Variants in LCORL observed in about 807,000 individuals in gnomAD.
The protein encoded by LCORL is ligand-dependent nuclear receptor corepressor-like protein.
In LCORL, 41 loss-of-function variants were observed where a neutral mutation model predicts 141.8. The observed-to-expected ratio is 0.29, with a 90% CI of 0.23 to 0.38. The LOEUF (loss-of-function observed/expected upper bound fraction) is 0.38. Among genes scored for constraint, LCORL ranks in the 10% least tolerant of loss-of-function variants. LCORL has a pLI of 1.00. For synonymous variants in LCORL, 618 were observed against 694.1 expected, an observed-to-expected ratio of 0.89 and a Z score of 1.72; for missense variants, 1,759 against 2,035.0, an observed-to-expected ratio of 0.86 and a Z score of 2.61.
intron 7 of LCORL, among the ~76,000 whole-genome samples, chr4:17,865,630 T>C (rs1725550896): frequency 1.3e-5 from 2 of 152,250 alleles, no homozygotes; most frequent in South Asian, 4.1e-4. Flanking sequence ...GGGAAACTTA[T>C]AACATTATGT....
intron 4 of LCORL, among the ~76,000 whole-genome samples, chr4:17,919,899 GCTT>G (rs1734026400): frequency 1.3e-5 from 2 of 152,178 alleles, no homozygotes; most frequent in Non-Finnish European, 2.9e-5. Context: ...ATGTCATGAA[GCTT>G]CCATAAAAAC....
chr4:18,006,497 AT>A (rs1458024841), intron 1 of LCORL, among the ~76,000 whole-genome samples: 3 of 152,042 alleles, frequency 2.0e-5, no homozygotes, highest in Non-Finnish European at 4.4e-5. Context: ...GTATTAGTCC[AT>A]TTTCACACTG....
At chr4:17,936,370 A>G (rs1230366893) in intron 4 of LCORL, among the ~76,000 whole-genome samples, 2 of 151,492 alleles carry the variant, frequency 1.3e-5, no homozygotes, top group Non-Finnish European at 2.9e-5. Context: ...GAAAAAAAAA[A>G]AAAAAAAGAA....
intron 5 of LCORL, among the ~76,000 whole-genome samples, chr4:17,907,350 TC>T (rs1440654263): frequency 6.6e-6 from 1 of 152,196 alleles, no homozygotes; most frequent in Non-Finnish European, 1.5e-5. Context: ...TTCCAATGGG[TC>T]CATTATTATT....
intron 4 of LCORL, among the ~76,000 whole-genome samples, chr4:17,923,904 T>C (rs540921390): frequency 2.6e-5 from 4 of 152,004 alleles, no homozygotes; most frequent in African/African-American, 4.8e-5. Context: ...TTCCCAATCA[T>C]GATTCTTCCA....
At chr4:17,892,987 C>T (rs1043822921) in intron 5 of LCORL, among the ~76,000 whole-genome samples, 1 of 152,168 alleles carries the variant, frequency 6.6e-6, no homozygotes, top group African/African-American at 2.4e-5. Flanking sequence ...TTTAACCATG[C>T]ATTTGAGACT....
intron 1 of LCORL, among the ~76,000 whole-genome samples, chr4:18,007,145 A>T (rs187112908): frequency 6.6e-6 from 1 of 152,244 alleles, no homozygotes; most frequent in East Asian, 1.9e-4. Flanking sequence ...ATAAAACCAC[A>T]AATTAAACTA....
chr4:17,875,069 C>T, exon 7 of LCORL: 1 of 1,233,536 alleles, frequency 8.1e-7, no homozygotes, highest in Non-Finnish European at 1.0e-6. Context: ...CTTCAGTGTG[C>T]CTTATTTTAT....
intron 4 of LCORL, among the ~76,000 whole-genome samples, chr4:17,927,808 A>G (rs1240007249): frequency 6.6e-6 from 1 of 152,224 alleles, no homozygotes; most frequent in African/African-American, 2.4e-5. Context: ...TAATACTAAA[A>G]AAGTTTGAAA....
At chr4:18,003,627 C>A (rs9647448) in intron 1 of LCORL, among the ~76,000 whole-genome samples, 19,213 of 151,964 alleles carry the variant, frequency 0.13, 1,351 homozygotes, top group South Asian at 0.26. Flanking sequence ...GGAGAGAGAT[C>A]AAGTAAGTTA....
chr4:17,949,971 T>G (rs1739466049), intron 4 of LCORL, among the ~76,000 whole-genome samples: 1 of 152,178 alleles, frequency 6.6e-6, no homozygotes. Flanking sequence ...TATGCACATT[T>G]TCAATCCTGA....
chr4:17,907,780 C>CTCT (rs1263297634), intron 5 of LCORL, among the ~76,000 whole-genome samples: 1 of 152,164 alleles, frequency 6.6e-6, no homozygotes, highest in African/African-American at 2.4e-5. Context: ...CCCAACACAA[C>CTCT]TCTTCTTCTT....
chr4:17,924,071 T>G (rs1734729599), intron 4 of LCORL, among the ~76,000 whole-genome samples: 1 of 151,914 alleles, frequency 6.6e-6, no homozygotes. Flanking sequence ...AGCCAATGTT[T>G]TGGCTAGATG....
chr4:17,972,850 G>A lies in LCORL; in HGVS notation c.190C>T (p.Arg64Trp), dbSNP rs372072864. ...AATAAACTGAGGTCTCTTCGTAGCC[G>A]TGGTCCATAAAGCCCTTCTAAAATA... The change falls in exon 2 of 8, where the codon CGG becomes TGG. Residue 64 changes from arginine to tryptophan, a missense_variant. Around this residue, in one of 5 missense-constraint regions of LCORL, gnomAD observed 1,311 missense variants for 1,531.3 expected, o/e 0.86. Transcript: ENST00000635767. The A allele has an allele frequency of 1.5e-5, 21 of 1,434,276 alleles. No individual in the cohort carries two copies. Among genetic ancestry groups the A allele is most frequent in the Non-Finnish European group, 1.8e-5 (20 of 1,093,694 alleles). The allele number at this position is 1,434,276 out of a possible 1,614,324, so 88.8% of individuals were successfully genotyped here.
At chr4:17,926,612 C>T (rs1372277416) in intron 4 of LCORL, among the ~76,000 whole-genome samples, 1 of 152,210 alleles carries the variant, frequency 6.6e-6, no homozygotes, top group Admixed American at 6.5e-5. Flanking sequence ...GGGATTCTGG[C>T]TTCCTTGCTC....
At chr4:17,999,262 G>A (rs1241109767) in intron 1 of LCORL, among the ~76,000 whole-genome samples, 2 of 151,702 alleles carry the variant, frequency 1.3e-5, no homozygotes, top group Non-Finnish European at 2.9e-5. Flanking sequence ...GACCAGCCTG[G>A]TGAACACGGT....
At chr4:17,944,477 A>G (rs1285831110) in intron 4 of LCORL, among the ~76,000 whole-genome samples, 2 of 152,168 alleles carry the variant, frequency 1.3e-5, no homozygotes, top group African/African-American at 4.8e-5. Flanking sequence ...AATTATTGTT[A>G]TAACTATTGT....
intron 4 of LCORL, among the ~76,000 whole-genome samples, chr4:17,927,760 A>T (rs1296149490): frequency 2.6e-5 from 4 of 152,192 alleles, no homozygotes; most frequent in Non-Finnish European, 5.9e-5. Context: ...AAATAATTAC[A>T]ATCATAACAT....
At chr4:17,845,963 G>A (rs1046986046) in intron 7 of LCORL, 62 bp from the exon 8 acceptor site, 1 of 1,353,912 alleles carries the variant, frequency 7.4e-7, no homozygotes, top group African/African-American at 1.4e-5. Context: ...TATCAACCTT[G>A]TAAAAGAACA....
Sources: allele counts gnomAD v4.1 joint callset (sites outside exome capture counted in the v4.1 genomes callset), GRCh38; gene constraint gnomAD v4.1.1; regional missense constraint gnomAD v4.1.1; transcripts MANE v1.5; gene names NCBI Gene and HGNC (gene_info 2026-07-23, HGNC 2026-07-21).